The following ADGRV1 variants were observed in gnomAD, a reference collection of about 807,000 sequenced individuals.
The protein encoded by ADGRV1 is adhesion G protein-coupled receptor V1, also known as G-protein coupled receptor 98.
A neutral mutation model predicts 596.2 loss-of-function variants in ADGRV1; 359 were observed. That is an observed-to-expected ratio of 0.60 (90% CI 0.55 to 0.66). The LOEUF (loss-of-function observed/expected upper bound fraction) is 0.66, where lower values mean the gene tolerates loss of function less well. Among genes scored for constraint, ADGRV1 ranks in the 30% least tolerant of loss-of-function variants. The pLI, the probability that ADGRV1 is intolerant of heterozygous loss-of-function variation, is 0.00. For missense variants in ADGRV1, 7,274 were observed against 7,575.6 expected (o/e 0.96, Z 1.48); for synonymous variants, 2,681 against 2,679.2 (o/e 1.00, Z -0.02).
intron 85 of ADGRV1, among the ~76,000 whole-genome samples, chr5:91,026,561 G>A (rs776913651): frequency 2.0e-5 from 3 of 151,918 alleles, no homozygotes; most frequent in Non-Finnish European, 4.4e-5. Flanking sequence ...GTACCTCCTT[G>A]GATTTCAGTT....
chr5:90,828,454 T>C (rs1366869120), intron 76 of ADGRV1, among the ~76,000 whole-genome samples: 1 of 152,124 alleles, frequency 6.6e-6, no homozygotes, highest in Non-Finnish European at 1.5e-5. Context: ...AAGAAAACTT[T>C]ACATAAATAT....
chr5:91,069,758 A>G (rs1788208392), intron 85 of ADGRV1, among the ~76,000 whole-genome samples: 1 of 152,200 alleles, frequency 6.6e-6, no homozygotes, highest in Non-Finnish European at 1.5e-5. Flanking sequence ...ATTACTGGAT[A>G]TGTACCCAAA....
intron 38 of ADGRV1, 115 bp downstream of exon 38, chr5:90,706,509 A>G (rs1197769419): frequency 1.1e-6 from 1 of 879,490 alleles, no homozygotes; most frequent in East Asian, 2.7e-5. Context: ...ACATATATAT[A>G]CATGTGCCAT....
intron 76 of ADGRV1, among the ~76,000 whole-genome samples, chr5:90,827,497 G>A (rs186995192): frequency 1.3e-5 from 2 of 152,058 alleles, no homozygotes; most frequent in Admixed American, 6.5e-5. Context: ...TCTAATCATC[G>A]TCACAATGAA....
At chr5:91,157,334 C>T (rs557506121) in intron 89 of ADGRV1, among the ~76,000 whole-genome samples, 1 of 152,308 alleles carries the variant, frequency 6.6e-6, no homozygotes, top group East Asian at 1.9e-4. Context: ...CTATATCATA[C>T]ATTTTGGTGT....
chr5:90,701,186 A>T (rs1449668329), intron 34 of ADGRV1, among the ~76,000 whole-genome samples: 1 of 152,092 alleles, frequency 6.6e-6, no homozygotes, highest in African/African-American at 2.4e-5. Context: ...TTGGGCAAAA[A>T]CTAGAAGGCT....
At position 90,798,761 on chromosome 5, in the gene ADGRV1, G is replaced by T. The variant is rs557971085; in HGVS notation, c.14518-3978G>T. On this transcript the variant is annotated intron_variant, in intron 70 of 89. Coordinates refer to ENST00000405460, the MANE Select transcript of ADGRV1 (RefSeq NM_032119.4). The stretch of plus-strand genomic sequence containing the variant: ...CTCGGCTTCATACCTGGGATGCAAG[G>T]CTGGTTCAACATATGCAAATCATTA... 2.0e-5 allele frequency among the ~76,000 whole-genome samples: 3 copies of T among 152,278 alleles called. No individual in the cohort carries two copies. The East Asian group carries it at 5.8e-4, about 29-fold the overall frequency.
At chr5:90,941,650 T>C (rs1332825206) in intron 83 of ADGRV1, among the ~76,000 whole-genome samples, 6 of 152,186 alleles carry the variant, frequency 3.9e-5, no homozygotes, top group African/African-American at 1.4e-4. Flanking sequence ...ACACAAACAC[T>C]CTGCCATGCA....
intron 83 of ADGRV1, among the ~76,000 whole-genome samples, chr5:90,882,286 T>G (rs996119747): frequency 1.3e-5 from 2 of 152,254 alleles, no homozygotes; most frequent in African/African-American, 4.8e-5. Context: ...TTTTGTATCT[T>G]TCTCATTAAT....
At chr5:91,044,459 A>AT (rs1005342507) in intron 85 of ADGRV1, among the ~76,000 whole-genome samples, 5 of 152,100 alleles carry the variant, frequency 3.3e-5, no homozygotes, top group Non-Finnish European at 7.4e-5. Context: ...ACTTGTGTGC[A>AT]TTTTTTTCAG....
Position 90,657,510 on chromosome 5 carries a change from G to A in ADGRV1, c.4379-395G>A, listed in dbSNP as rs187007843. 3.6e-3 allele frequency among the ~76,000 whole-genome samples: 554 copies of A among 152,154 alleles called. 7 individuals are homozygous for A. The highest frequency in any genetic ancestry group is 0.015 in the Admixed American group (223 of 15,290). ...TAAGTCCATTTTTAAATGTGCAAGA[G>A]TAAATTTTAAAATACCATAGAATAA... On this transcript the variant is annotated intron_variant, in intron 20 of 89. Coordinates refer to ENST00000405460, the MANE Select transcript of ADGRV1 (RefSeq NM_032119.4).
intron 34 of ADGRV1, among the ~76,000 whole-genome samples, chr5:90,700,301 G>A (rs1747746439): frequency 6.6e-6 from 1 of 152,132 alleles, no homozygotes. Context: ...TTTCATTTAT[G>A]TGATTAGATT....
At chr5:90,998,360 A>T (rs1229755173) in intron 85 of ADGRV1, among the ~76,000 whole-genome samples, 1 of 152,132 alleles carries the variant, frequency 6.6e-6, no homozygotes, top group Non-Finnish European at 1.5e-5. Flanking sequence ...CAAAAATGGG[A>T]TATCATGTGC....
At chr5:90,973,801 A>T (rs1779289825) in intron 84 of ADGRV1, among the ~76,000 whole-genome samples, 1 of 152,310 alleles carries the variant, frequency 6.6e-6, no homozygotes, top group Non-Finnish European at 1.5e-5. Context: ...CAAGACAGGG[A>T]TGCCCTCTCT....
At chr5:90,753,481 T>C (rs1306426485) in intron 53 of ADGRV1, 93 bp from the exon 54 acceptor site, 5 of 863,488 alleles carry the variant, frequency 5.8e-6, no homozygotes, top group African/African-American at 5.2e-5. Flanking sequence ...ATTTAAGTTA[T>C]AGGTTTAATA....
At chr5:90,960,749 G>A (rs1000147220) in intron 83 of ADGRV1, among the ~76,000 whole-genome samples, 1 of 152,102 alleles carries the variant, frequency 6.6e-6, no homozygotes, top group Non-Finnish European at 1.5e-5. Context: ...CTGGGAAGAT[G>A]AGAAAAAGAA....
intron 33 of ADGRV1, among the ~76,000 whole-genome samples, chr5:90,695,497 T>C (rs1291551780): frequency 6.6e-6 from 1 of 152,104 alleles, no homozygotes; most frequent in African/African-American, 2.4e-5. Flanking sequence ...ACATAGTGCT[T>C]TTCTGGTTGA....
At chr5:90,963,473 G>T (rs929625969) in intron 83 of ADGRV1, among the ~76,000 whole-genome samples, 3 of 151,816 alleles carry the variant, frequency 2.0e-5, no homozygotes, top group Admixed American at 1.3e-4. Context: ...TGAATTTGTG[G>T]ACTTTTTTTT....
At chr5:90,627,985 A>G in intron 7 of ADGRV1, 3 of 359,476 alleles carry the variant, frequency 8.3e-6, no homozygotes, top group Non-Finnish European at 1.5e-5. Flanking sequence ...TTTTTCTACC[A>G]TGGCTTCACT....
Sources: gnomAD v4.1 joint callset for allele counts (sites outside exome capture counted in the v4.1 genomes callset) on GRCh38, gnomAD v4.1.1 for gene constraint, MANE v1.5 for transcripts, NCBI Gene and HGNC (gene_info 2026-07-23, HGNC 2026-07-21) for gene names.